The following ZNF699 variants were observed in gnomAD, a reference collection of about 807,000 sequenced individuals.
ZNF699 encodes the protein hangover homolog.
ZNF699 carries 18 observed loss-of-function variants against 22.5 expected under a neutral mutation model. The ratio of observed to expected loss-of-function variants is 0.80; its 90% CI spans 0.55 to 1.19. The LOEUF (loss-of-function observed/expected upper bound fraction) is 1.19, where lower values mean the gene tolerates loss of function less well. Among genes scored for constraint, ZNF699 ranks in the 50% most tolerant of loss-of-function variants. ZNF699 has a pLI of 0.00. For missense variants in ZNF699, 670 were observed against 763.4 expected (o/e 0.88, Z 1.44); for synonymous variants, 241 against 262.3 (o/e 0.92, Z 0.78).
chr19:9,297,702 C>T lies in ZNF699; in HGVS notation c.286+178G>A, dbSNP rs182787299. On this transcript the variant is annotated intron_variant, in intron 4 of 5. Coordinates refer to ENST00000591998, the MANE Select transcript of ZNF699 (RefSeq NM_198535.3). The surrounding 1 kb of genome is among the most constrained non-coding windows in gnomAD (Gnocchi z 4.3). Reference sequence around the variant, plus strand: ...CAAATGCCAACTTACAAAGAGGAAACGTGGAAGGTCTTTGCCAAGAACAAG... The same window carrying T: ...CAAATGCCAACTTACAAAGAGGAAATGTGGAAGGTCTTTGCCAAGAACAAG... Among the ~76,000 whole-genome samples, 227 of 152,216 alleles carry T rather than the reference C, an allele frequency of 1.5e-3. 2 individuals carry two copies. The highest frequency in any genetic ancestry group is 5.7e-4 in the Non-Finnish European group (39 of 68,012).
At chr19:9,302,051 C>T (rs1169285258) in intron 3 of ZNF699, among the ~76,000 whole-genome samples, 1 of 151,974 alleles carries the variant, frequency 6.6e-6, no homozygotes, top group African/African-American at 2.4e-5. Context: ...TACAAGCATG[C>T]ACCACCACGC....
chr19:9,296,272 G>C lies in ZNF699; in HGVS notation c.1132C>G (p.Leu378Val). 6.2e-7 allele frequency: 1 copy of C among 1,613,912 alleles called. No homozygotes were observed. The highest frequency in any genetic ancestry group is 8.5e-7 in the Non-Finnish European group (1 of 1,179,960). ...CGKAFSESSK[L>V]TVHGRTHTGE... ...GTATGTGTCCTCCCATGTACAGTGA[G>C]TTTTGAGGACTCGCTGAAGGCCTTC... The change falls in exon 6 of 6, where the codon CTC (leucine) becomes GTC (valine). Residue 378 changes from leucine to valine, a missense_variant. Coordinates refer to ENST00000591998, the MANE Select transcript of ZNF699 (RefSeq NM_198535.3).
chr19:9,302,775 T>C (rs1463758334), intron 2 of ZNF699, among the ~76,000 whole-genome samples: 1 of 152,196 alleles, frequency 6.6e-6, no homozygotes, highest in Non-Finnish European at 1.5e-5. Flanking sequence ...CCCAGCACTT[T>C]GGGGAGCCAA....
At chr19:9,300,173 C>A (rs1568345905) in intron 3 of ZNF699, among the ~76,000 whole-genome samples, 1 of 151,940 alleles carries the variant, frequency 6.6e-6, no homozygotes, top group Non-Finnish European at 1.5e-5. Flanking sequence ...CTCTGCCTCC[C>A]AGGTTCACAC....
At chr19:9,302,806 C>T (rs901719950) in intron 2 of ZNF699, among the ~76,000 whole-genome samples, 3 of 152,070 alleles carry the variant, frequency 2.0e-5, no homozygotes, top group African/African-American at 7.2e-5. Context: ...CTACTTGAGC[C>T]CAGGAGTTCA....
At position 9,305,163 on chromosome 19, in the gene ZNF699, A is replaced by T. The variant is rs375858834; in HGVS notation, c.-5-39T>A. ...AGCAGGATATTGAGAAGTTAGAATT[A>T]AAAAAGGTGACATGAGAATCCAGAC... On this transcript the variant is annotated intron_variant, in intron 1 of 5. Coordinates refer to ENST00000591998, the MANE Select transcript of ZNF699 (RefSeq NM_198535.3). 1.0e-4 allele frequency: 158 copies of T among 1,583,182 alleles called. 2 individuals are homozygous for T. In the Admixed American group the frequency reaches 1.1e-3, roughly 11 times the overall value.
At chr19:9,298,453 A>C (rs1361646836) in intron 3 of ZNF699, among the ~76,000 whole-genome samples, 3 of 149,296 alleles carry the variant, frequency 2.0e-5, no homozygotes, top group African/African-American at 7.4e-5. Flanking sequence ...CTCAAAAAAA[A>C]AAAAAAAGGA....
rs1387800233 is a variant in ZNF699 at position 9,309,766 on chromosome 19, G to C, written c.-422C>G. On this transcript the variant is annotated 5_prime_UTR_variant, in exon 1 of 6. Coordinates refer to ENST00000591998, the MANE Select transcript of ZNF699 (RefSeq NM_198535.3). ...GGGGCGGGGCAGGGCAGGACAGGAA[G>C]CGGGCGGAGGCAAAAATGTTCCTCA... is the stretch of plus-strand genomic sequence containing the variant. 1 of 152,718 alleles carries C rather than the reference G, an allele frequency of 6.5e-6. No individual in the cohort carries two copies. Among genetic ancestry groups the C allele is most frequent in the East Asian group, 1.9e-4 (1 of 5,178 alleles). 9.5% of individuals were successfully genotyped at this position (152,718 alleles called of 1,614,324 possible).
At position 9,296,483 on chromosome 19, in the gene ZNF699, A is replaced by T. The variant is rs1403980677; in HGVS notation, c.921T>A (p.Tyr307Ter). 1.2e-6 allele frequency: 2 copies of T among 1,614,216 alleles called. No homozygotes were observed. Among genetic ancestry groups the T allele is most frequent in the Non-Finnish European group, 8.5e-7 (1 of 1,180,034 alleles). ...AGGCCTTCCCACATTCCTTACATTCATAAGGCTTATCTCCACTGTGAATTC... is the reference window on the plus strand; with the variant it reads ...AGGCCTTCCCACATTCCTTACATTCTTAAGGCTTATCTCCACTGTGAATTC... ...HKRIHSGDKP[Y>*]ECKECGKAFS... is the part of the protein sequence containing the mutation. The change falls in exon 6 of 6, where the codon TAT (tyrosine) becomes TAA (stop). Residue 307 changes from tyrosine to a stop codon, truncating the protein, a stop_gained. Transcript: ENST00000591998. LOFTEE classifies it low-confidence loss of function (END_TRUNC).
chr19:9,304,324 C>T (rs973194005), intron 2 of ZNF699, among the ~76,000 whole-genome samples: 3 of 152,036 alleles, frequency 2.0e-5, no homozygotes, highest in Admixed American at 1.3e-4. Context: ...ACATTAAACA[C>T]AGGGTCAAAT....
chr19:9,292,978 A>G lies in ZNF699; in HGVS notation c.*2497T>C, dbSNP rs1310962150. Among the ~76,000 whole-genome samples the G allele has an allele frequency of 6.6e-6, 1 of 152,042 alleles. No individual in the cohort carries two copies. Among genetic ancestry groups the G allele is most frequent in the Non-Finnish European group, 1.5e-5 (1 of 67,998 alleles). On this transcript the variant is annotated 3_prime_UTR_variant, in exon 6 of 6. Transcript: ENST00000591998. ...GGTGAAACCCCGTCTCTACTAAAAAATACAAAAATTAGCCAGGTGTGGTGG... is the reference window on the plus strand; with the variant it reads ...GGTGAAACCCCGTCTCTACTAAAAAGTACAAAAATTAGCCAGGTGTGGTGG...
At chr19:9,304,407 CTG>C (rs1182351652) in intron 2 of ZNF699, among the ~76,000 whole-genome samples, 1 of 151,158 alleles carries the variant, frequency 6.6e-6, no homozygotes, top group Non-Finnish European at 1.5e-5. Context: ...CCTCACAAAA[CTG>C]AGAGGCCCAG....
rs894972728 is a variant in ZNF699 at position 9,297,735 on chromosome 19, C to A, written c.286+145G>T. The A allele has an allele frequency of 4.5e-6, 3 of 661,410 alleles. No individual in the cohort carries two copies. The highest frequency in any genetic ancestry group is 2.7e-5 in the East Asian group (1 of 36,790). The allele number at this position is 661,410 out of a possible 1,614,324, so 41.0% of individuals were successfully genotyped here. On this transcript the variant is annotated intron_variant, in intron 4 of 5. Coordinates refer to ENST00000591998, the MANE Select transcript of ZNF699 (RefSeq NM_198535.3). This position sits in a 1 kb window ranked among gnomAD's most constrained non-coding sequence, Gnocchi z 4.3. ...GTCTTTGCCAAGAACAAGGAAAATGCGAGAGGACTGATAAAAAGTCAAAAT... is the reference window on the plus strand; with the variant it reads ...GTCTTTGCCAAGAACAAGGAAAATGAGAGAGGACTGATAAAAAGTCAAAAT...
intron 3 of ZNF699, 149 bp from the exon 4 acceptor site, chr19:9,298,139 T>A (rs74782357): frequency 0.11 from 60,981 of 559,990 alleles, 5,709 homozygotes; most frequent in African/African-American, 0.37. Context: ...TTATTTATTT[T>A]TTTTTTTAAA....
intron 1 of ZNF699, among the ~76,000 whole-genome samples, chr19:9,307,828 A>G (rs746719199): frequency 8.6e-5 from 13 of 151,924 alleles, no homozygotes; most frequent in Admixed American, 2.0e-4. Context: ...GGTGCCTGTA[A>G]TCGCCACTAC....
In ZNF699 at chr19:9,292,523, G is replaced by A. The variant is rs1403042461; in HGVS notation, c.*2952C>T. ...GCAGGAGGATGCACAGCCAAGACAG[G>A]GAGACAGAATTCAACTAGATAACAT... On this transcript the variant is annotated 3_prime_UTR_variant, in exon 6 of 6. Transcript: ENST00000591998. Among the ~76,000 whole-genome samples, 1 of 152,062 alleles carries A rather than the reference G, an allele frequency of 6.6e-6. No homozygotes were observed. The highest frequency in any genetic ancestry group is 2.4e-5 in the African/African-American group (1 of 41,396).
rs2066280527 is a variant in ZNF699, at chr19:9,295,419, A to T, written c.*56T>A. The T allele has an allele frequency of 2.0e-6, 3 of 1,537,794 alleles. No homozygotes were observed. The highest frequency in any genetic ancestry group is 2.6e-5 in the South Asian group (2 of 77,960). On this transcript the variant is annotated 3_prime_UTR_variant, in exon 6 of 6. Transcript: ENST00000591998. ...TCATAGGGTGTCTCCACAGTATGAG[A>T]TCTCACATGTTGCCTAGGATCTGAA...
Position 9,295,171 on chromosome 19 carries a change from A to C in ZNF699, c.*304T>G, listed in dbSNP as rs1210338837. The C allele has an allele frequency of 3.0e-6, 1 of 333,090 alleles. No homozygotes were observed. The highest frequency in any genetic ancestry group is 2.1e-5 in the African/African-American group (1 of 47,202). 20.6% of individuals were successfully genotyped at this position (333,090 alleles called of 1,614,324 possible). On this transcript the variant is annotated 3_prime_UTR_variant, in exon 6 of 6. Transcript: ENST00000591998. ...AGTATGTGGCTAGAGCTGAAAAGGT[A>C]AATTTATCACCTTCAATGTTCCTAT... is the stretch of plus-strand genomic sequence containing the variant.
Position 9,296,684 on chromosome 19 carries a change from C to A in ZNF699, c.720G>T (p.Lys240Asn), listed in dbSNP as rs547489105. ...TCTCTTCAGTGGGGGTTTTCATATG[C>A]TTCTTGAAACAAGCAAGAAAATGGA... ...KAFHFLACFK[K>N]HMKTPTEEKP... Residue 240 changes from lysine to asparagine, a missense_variant, in exon 6 of 6, where the codon AAG (lysine) becomes AAT (asparagine). Coordinates refer to ENST00000591998, the MANE Select transcript of ZNF699 (RefSeq NM_198535.3). 3.1e-6 allele frequency: 5 copies of A among 1,608,924 alleles called. No homozygotes were observed. Among genetic ancestry groups the A allele is most frequent in the Non-Finnish European group, 3.4e-6 (4 of 1,178,688 alleles).
Sources: allele counts gnomAD v4.1 joint callset (sites outside exome capture counted in the v4.1 genomes callset), GRCh38; gene constraint gnomAD v4.1.1; non-coding constraint Gnocchi (gnomAD v3.1); transcripts MANE v1.5; gene names NCBI Gene and HGNC (gene_info 2026-07-23, HGNC 2026-07-21).